Variants in ATF2 observed in about 807,000 individuals in gnomAD.
ATF2 encodes cyclic AMP-dependent transcription factor ATF-2.
A neutral mutation model predicts 60.6 loss-of-function variants in ATF2; 24 were observed. The observed-to-expected ratio is 0.40, with a 90% CI of 0.29 to 0.56. The LOEUF (loss-of-function observed/expected upper bound fraction) is 0.56. ATF2 is among the 20% of genes least tolerant of loss of function. ATF2 has a pLI of 0.54. For synonymous variants in ATF2, 206 were observed against 215.4 expected (o/e 0.96, Z 0.38); for missense variants, 433 against 607.7 (o/e 0.71, Z 3.02).
At chr2:175,155,658 A>G (rs931537350) in intron 1 of ATF2, among the ~76,000 whole-genome samples, 1 of 152,244 alleles carries the variant, frequency 6.6e-6, no homozygotes, top group African/African-American at 2.4e-5. Context: ...ATTAATAAAG[A>G]ATTTTAAAAC....
At position 175,074,563 on chromosome 2, in the gene ATF2, G is replaced by T; in HGVS notation, c.*46C>A. 1 of 1,551,410 alleles carries T rather than the reference G, an allele frequency of 6.4e-7. No homozygotes were observed. Among genetic ancestry groups the T allele is most frequent in the Non-Finnish European group, 8.7e-7 (1 of 1,143,502 alleles). On this transcript the variant is annotated 3_prime_UTR_variant, in exon 14 of 14. Transcript: ENST00000264110. ...ACTGGTCTTTCCTTGATTTCCCTTT[G>T]AAGTCACTAATGAGTATCTAAAACT...
intron 5 of ATF2, among the ~76,000 whole-genome samples, chr2:175,120,302 A>C (rs1164370816): frequency 6.6e-6 from 1 of 151,490 alleles, no homozygotes; most frequent in Non-Finnish European, 1.5e-5. Context: ...ATACTCCAAA[A>C]AAAAAAAAGC....
Position 175,114,726 on chromosome 2 carries a change from A to T in ATF2, c.590T>A (p.Val197Glu). The T allele has an allele frequency of 6.2e-7, 1 of 1,614,002 alleles. No homozygotes were observed. Among genetic ancestry groups the T allele is most frequent in the Non-Finnish European group, 8.5e-7 (1 of 1,179,890 alleles). ...GTTAGAGGATGGTGCCTGGGTGATT[A>T]CAGTACTTGAGGTTGGTGAAGGTAC... ...QAVPSPTSST[V>E]ITQAPSSNRP... is the part of the protein sequence containing the mutation. Residue 197 changes from valine (V) to glutamate (E), a missense_variant, in exon 8 of 14, where the codon GTA (valine) becomes GAA (glutamate). This residue lies in a region of ATF2 where 246 missense variants were observed against 309.3 expected (regional missense o/e 0.80). Coordinates refer to ENST00000264110, the MANE Select transcript of ATF2 (RefSeq NM_001880.4).
At chr2:175,075,140 A>G in intron 13 of ATF2, 3 of 1,073,456 alleles carry the variant, frequency 2.8e-6, no homozygotes, top group Non-Finnish European at 3.6e-6. Context: ...ATAGTCTCTT[A>G]CAGATACAAT....
intron 2 of ATF2, among the ~76,000 whole-genome samples, chr2:175,138,009 A>G (rs1474265841): frequency 2.0e-5 from 3 of 152,178 alleles, no homozygotes; most frequent in African/African-American, 7.2e-5. Flanking sequence ...ATATGCTCAT[A>G]ACAGAAGCCT....
At chr2:175,120,034 G>GA (rs1265332381) in intron 5 of ATF2, among the ~76,000 whole-genome samples, 3 of 151,094 alleles carry the variant, frequency 2.0e-5, no homozygotes, top group Non-Finnish European at 4.4e-5. Flanking sequence ...ACATGTTAGT[G>GA]AAAAAAAAGG....
rs1440305136 is a variant in ATF2, at chr2:175,114,794, C to T, written c.522G>A (p.Val174=). ...CACTTGAGTCAGAACTTGTAAGCAGCACATTGGGAACCTGTAATGATGCTG... is the reference window on the plus strand; with the variant it reads ...CACTTGAGTCAGAACTTGTAAGCAGTACATTGGGAACCTGTAATGATGCTG... The part of the protein sequence containing the change: ...VRPASLQVPN[V]LLTSSDSSVI... Residue 174 remains valine (V), a synonymous_variant, in exon 8 of 14, where the codon GTG becomes GTA. Transcript: ENST00000264110. 3 of 1,613,940 alleles carry T rather than the reference C, an allele frequency of 1.9e-6. No homozygotes were observed. The highest frequency in any genetic ancestry group is 2.5e-6 in the Non-Finnish European group (3 of 1,179,910).
intron 12 of ATF2, chr2:175,092,672 A>C (rs1694633122): frequency 2.5e-6 from 1 of 408,148 alleles, no homozygotes; most frequent in Non-Finnish European, 4.8e-6. Flanking sequence ...AAATAATTTA[A>C]AAATAAAAAC....
chr2:175,078,386 A>G (rs1478794784), intron 13 of ATF2, among the ~76,000 whole-genome samples: 1 of 152,232 alleles, frequency 6.6e-6, no homozygotes, highest in Non-Finnish European at 1.5e-5. Flanking sequence ...GCCCAGATCT[A>G]AAGAATGTGA....
chr2:175,167,803 A>T, intron 1 of ATF2: 1 of 445,560 alleles, frequency 2.2e-6, no homozygotes, highest in Admixed American at 2.4e-5. Context: ...AGGGGCCGGA[A>T]CAACGAACGC....
chr2:175,102,579 G>C (rs570786637), intron 10 of ATF2, among the ~76,000 whole-genome samples: 16 of 152,118 alleles, frequency 1.1e-4, no homozygotes, highest in African/African-American at 3.1e-4. Context: ...CACCAGCCTG[G>C]GCAATATGGT....
chr2:175,123,241 A>G (rs770779790), intron 4 of ATF2, among the ~76,000 whole-genome samples: 7 of 152,100 alleles, frequency 4.6e-5, no homozygotes, highest in Non-Finnish European at 7.4e-5. Flanking sequence ...GAAAACGAAC[A>G]TATCTGCAGA....
intron 1 of ATF2, among the ~76,000 whole-genome samples, chr2:175,154,225 G>GAAAAAAA (rs748103537): frequency 7.1e-6 from 1 of 141,620 alleles, no homozygotes; most frequent in South Asian, 2.2e-4. Context: ...AAAAAGAAAA[G>GAAAAAAA]AAAAAAAAAA....
intron 1 of ATF2, among the ~76,000 whole-genome samples, chr2:175,163,584 G>A (rs551573586): frequency 5.3e-5 from 8 of 151,912 alleles, no homozygotes; most frequent in African/African-American, 1.9e-4. Flanking sequence ...CCAAAACATT[G>A]TTTACATCTC....
At chr2:175,130,079 T>C in intron 4 of ATF2, 59 bp downstream of exon 4, 1 of 1,187,604 alleles carries the variant, frequency 8.4e-7, no homozygotes, top group African/African-American at 1.6e-5. Flanking sequence ...ACATATTATA[T>C]CATCAATGTT....
At chr2:175,148,756 C>T (rs1574484803) in intron 2 of ATF2, among the ~76,000 whole-genome samples, 1 of 152,124 alleles carries the variant, frequency 6.6e-6, no homozygotes, top group South Asian at 2.1e-4. Flanking sequence ...CCAGACATTC[C>T]TTTCTATTGA....
intron 13 of ATF2, among the ~76,000 whole-genome samples, chr2:175,075,915 C>T (rs1030346542): frequency 6.6e-6 from 1 of 152,122 alleles, no homozygotes; most frequent in African/African-American, 2.4e-5. Context: ...TTGCACCTTG[C>T]TTTTTTCACT....
chr2:175,162,771 A>G (rs914953006), intron 1 of ATF2, among the ~76,000 whole-genome samples: 3 of 152,240 alleles, frequency 2.0e-5, no homozygotes, highest in Non-Finnish European at 4.4e-5. Context: ...AACAAAAATA[A>G]TGAACACAAT....
intron 1 of ATF2, among the ~76,000 whole-genome samples, chr2:175,160,469 T>C (rs1252157836): frequency 6.6e-6 from 1 of 152,198 alleles, no homozygotes; most frequent in Non-Finnish European, 1.5e-5. Context: ...TTTCAAAGTA[T>C]GTCAAAATTC....
Sources: allele counts gnomAD v4.1 joint callset (sites outside exome capture counted in the v4.1 genomes callset), GRCh38; gene constraint gnomAD v4.1.1; regional missense constraint gnomAD v4.1.1; transcripts MANE v1.5; gene names NCBI Gene and HGNC (gene_info 2026-07-23, HGNC 2026-07-21).